Variants in NKAIN3 observed in about 807,000 individuals in gnomAD.
The protein encoded by NKAIN3 is sodium/potassium transporting ATPase interacting 3.
A neutral mutation model predicts 30.2 loss-of-function variants in NKAIN3; 25 were observed. That is an observed-to-expected ratio of 0.83 (90% CI 0.60 to 1.16). NKAIN3 has a LOEUF of 1.16. Among genes scored for constraint, NKAIN3 ranks in the 50% most tolerant of loss-of-function variants. The pLI is 0.00. For missense variants in NKAIN3, 225 were observed against 254.1 expected, an observed-to-expected ratio of 0.89 and a Z score of 0.78; for synonymous variants, 91 against 89.6, an observed-to-expected ratio of 1.02 and a Z score of -0.09.
chr8:62,486,898 G>T (rs1362527946), intron 1 of NKAIN3, among the ~76,000 whole-genome samples: 1 of 152,184 alleles, frequency 6.6e-6, no homozygotes, highest in African/African-American at 2.4e-5. Flanking sequence ...TTTGGGAAGT[G>T]TTCTTGCTGC....
At chr8:62,901,058 G>T (rs745796953) in intron 4 of NKAIN3, among the ~76,000 whole-genome samples, 6 of 152,104 alleles carry the variant, frequency 3.9e-5, no homozygotes, top group Non-Finnish European at 8.8e-5. Flanking sequence ...TATTTCCAGC[G>T]GTCAGGAGAG....
chr8:62,918,437 T>G lies in NKAIN3; in HGVS notation c.472-16T>G. 1 of 1,602,670 alleles carries G rather than the reference T, an allele frequency of 6.2e-7. No individual in the cohort carries two copies. Among genetic ancestry groups the G allele is most frequent in the South Asian group, 1.1e-5 (1 of 90,646 alleles). On this transcript the variant is annotated splice_polypyrimidine_tract_variant and intron_variant, in intron 4 of 6. Transcript: ENST00000623646. ...TGGCATAGATTCTTAAGGTACACATTTTTTCCCTTTTGCAGTTGGTGGGTT... is the reference window on the plus strand; with the variant it reads ...TGGCATAGATTCTTAAGGTACACATGTTTTCCCTTTTGCAGTTGGTGGGTT...
In NKAIN3 at chr8:62,596,494, G is replaced by A. The variant is rs151307481; in HGVS notation, c.273+6700G>A. 8.9e-3 allele frequency among the ~76,000 whole-genome samples: 1,349 copies of A among 152,124 alleles called. 11 individuals are homozygous for A. The highest frequency in any genetic ancestry group is 0.017 in the Middle Eastern group (5 of 294). On this transcript the variant is annotated intron_variant, in intron 3 of 6. Transcript: ENST00000623646. ...CTGATGTTTGACAGGTGTTCCCTCG[G>A]AAGTTAGGAATTCCCTTTCTCTCCA...
intron 1 of NKAIN3, among the ~76,000 whole-genome samples, chr8:62,319,687 G>T (rs1357834039): frequency 6.6e-6 from 1 of 152,146 alleles, no homozygotes; most frequent in Admixed American, 6.6e-5. Context: ...TTGCACTGTG[G>T]TCTAAGAGAC....
intron 1 of NKAIN3, among the ~76,000 whole-genome samples, chr8:62,544,484 C>T (rs972691074): frequency 1.3e-5 from 2 of 152,070 alleles, no homozygotes; most frequent in African/African-American, 4.8e-5. Context: ...GATACAAACA[C>T]TTTAAAACTT....
At chr8:62,485,304 C>G (rs934469048) in intron 1 of NKAIN3, among the ~76,000 whole-genome samples, 3 of 152,100 alleles carry the variant, frequency 2.0e-5, no homozygotes, top group Admixed American at 2.0e-4. Flanking sequence ...CTTTAGAAAG[C>G]TACGTGGTCT....
At chr8:62,789,402 G>A (rs1003223388) in intron 4 of NKAIN3, among the ~76,000 whole-genome samples, 1 of 152,140 alleles carries the variant, frequency 6.6e-6, no homozygotes, top group South Asian at 2.1e-4. Flanking sequence ...AAACTTTGCT[G>A]AAGTTGCTTA....
At chr8:62,305,009 G>A (rs2351653) in intron 1 of NKAIN3, among the ~76,000 whole-genome samples, 89,765 of 150,030 alleles carry the variant, frequency 0.6, 28,046 homozygotes, top group East Asian at 0.68. Flanking sequence ...ATACTGATGT[G>A]TAAAATGAGA....
At chr8:62,699,064 G>A (rs1814251706) in intron 3 of NKAIN3, among the ~76,000 whole-genome samples, 1 of 152,056 alleles carries the variant, frequency 6.6e-6, no homozygotes, top group African/African-American at 2.4e-5. Context: ...ATATGCTGTT[G>A]TCATTAGAAA....
In NKAIN3 at chr8:62,965,535, T is replaced by C. The variant is rs1823686509; in HGVS notation, c.*128T>C. On this transcript the variant is annotated 3_prime_UTR_variant, in exon 7 of 7. Transcript: ENST00000623646. Reference sequence around the variant, plus strand: ...CATTTTGGTCACAGCCTTTGTATTATTAGCATTGTTCTCTAGATGAGTTCT... The same window carrying C: ...CATTTTGGTCACAGCCTTTGTATTACTAGCATTGTTCTCTAGATGAGTTCT... The C allele has an allele frequency of 1.0e-6, 1 of 985,446 alleles. No homozygotes were observed. Among genetic ancestry groups the C allele is most frequent in the Non-Finnish European group, 1.2e-6 (1 of 829,874 alleles). The allele number at this position is 985,446 out of a possible 1,614,324, so 61.0% of individuals were successfully genotyped here.
chr8:62,856,872 G>A (rs1314098931), intron 4 of NKAIN3: 10 of 589,082 alleles, frequency 1.7e-5, no homozygotes, highest in Non-Finnish European at 3.2e-5. Context: ...TCTTACTGAT[G>A]TACACACTTT....
intron 1 of NKAIN3, among the ~76,000 whole-genome samples, chr8:62,448,626 A>T (rs1262436312): frequency 6.6e-6 from 1 of 151,844 alleles, no homozygotes; most frequent in Non-Finnish European, 1.5e-5. Flanking sequence ...GATATTCTAA[A>T]GGGTATTTTT....
chr8:62,766,392 TACTCTGGCTCCACCA>T (rs1816839997), intron 4 of NKAIN3, among the ~76,000 whole-genome samples: 1 of 152,190 alleles, frequency 6.6e-6, no homozygotes, highest in Non-Finnish European at 1.5e-5. Flanking sequence ...TTGAAACCAG[TACTCTGGCTCCACCA>T]GGTGTCTGCT....
intron 4 of NKAIN3, among the ~76,000 whole-genome samples, chr8:62,911,645 T>A (rs1821928795): frequency 1.3e-5 from 2 of 151,984 alleles, no homozygotes; most frequent in African/African-American, 4.8e-5. Context: ...TTGGTCTAGC[T>A]CTTTAGGTTT....
In NKAIN3 at chr8:62,325,986, C is replaced by T. The variant is rs186281686; in HGVS notation, c.54+76859C>T. 7.3e-3 allele frequency among the ~76,000 whole-genome samples: 1,112 copies of T among 151,938 alleles called. 12 individuals are homozygous for T. Among genetic ancestry groups the T allele is most frequent in the African/African-American group, 0.025 (1,055 of 41,498 alleles). On this transcript the variant is annotated intron_variant, in intron 1 of 6. Transcript: ENST00000623646. ...TTTACTCTATTGATTATTTATTTTG[C>T]TGTGAAATAGCTTTTTAGTTTAATT...
intron 1 of NKAIN3, among the ~76,000 whole-genome samples, chr8:62,291,248 T>C (rs1813614025): frequency 6.6e-6 from 1 of 152,240 alleles, no homozygotes; most frequent in South Asian, 2.1e-4. Flanking sequence ...TCAATTCTGC[T>C]CTGATCTTAG....
In NKAIN3 at chr8:62,642,976, C is replaced by A. The variant is rs117743607; in HGVS notation, c.273+53182C>A. 3.8e-4 allele frequency among the ~76,000 whole-genome samples: 58 copies of A among 152,168 alleles called. No individual in the cohort carries two copies. In the East Asian group the frequency reaches 8.5e-3, roughly 22 times the overall value. On this transcript the variant is annotated intron_variant, in intron 3 of 6. Coordinates refer to ENST00000623646, the MANE Select transcript of NKAIN3 (RefSeq NM_001304533.3). ...TATATTATTAAGCACAAAAGGGACA[C>A]CTTCAGGTTTTTGTTCAGATCATAA...
chr8:62,920,014 T>C (rs765359289), intron 5 of NKAIN3, among the ~76,000 whole-genome samples: 19 of 152,184 alleles, frequency 1.2e-4, no homozygotes, highest in Non-Finnish European at 2.2e-4. Flanking sequence ...AATCTCTATT[T>C]TTAGGAGTTT....
rs565344714 is a variant in NKAIN3, at chr8:62,672,537, G to A, written c.274-74395G>A. ...TTTACTATACTTGGAACCAAAAGAG[G>A]CATGGTTAGTTTTATATTTCAAATA... is the stretch of plus-strand genomic sequence containing the variant. On this transcript the variant is annotated intron_variant, in intron 3 of 6. Coordinates refer to ENST00000623646, the MANE Select transcript of NKAIN3 (RefSeq NM_001304533.3). 2.6e-5 allele frequency among the ~76,000 whole-genome samples: 4 copies of A among 152,248 alleles called. No homozygotes were observed. The East Asian group carries it at 5.8e-4, about 22-fold the overall frequency.
Sources: allele counts gnomAD v4.1 joint callset (sites outside exome capture counted in the v4.1 genomes callset), GRCh38; gene constraint gnomAD v4.1.1; transcripts MANE v1.5; gene names NCBI Gene and HGNC (gene_info 2026-07-23, HGNC 2026-07-21).